Variants in FOXP2 observed in about 807,000 individuals in gnomAD.
FOXP2 encodes forkhead box protein P2.
FOXP2 carries 12 observed loss-of-function variants against 115.8 expected under a neutral mutation model. That is an observed-to-expected ratio of 0.10 (90% CI 0.07 to 0.17). The LOEUF is 0.17. FOXP2 is among the 10% of genes least tolerant of loss of function. The pLI, the probability that FOXP2 is intolerant of heterozygous loss-of-function variation, is 1.00. For missense variants in FOXP2, 629 were observed against 843.5 expected (o/e 0.75, Z 3.15); for synonymous variants, 328 against 297.7 (o/e 1.10, Z -1.05).
At chr7:114,298,258 C>T (rs1412268407) in intron 2 of FOXP2, among the ~76,000 whole-genome samples, 1 of 152,156 alleles carries the variant, frequency 6.6e-6, no homozygotes. Flanking sequence ...ATTTCCTGTG[C>T]TCACCCTTGA....
chr7:114,111,119 T>C (rs1791257535), intron 1 of FOXP2, among the ~76,000 whole-genome samples: 1 of 152,154 alleles, frequency 6.6e-6, no homozygotes, highest in Admixed American at 6.6e-5. Flanking sequence ...CATTAATGCC[T>C]GCAATCAATC....
intron 16 of FOXP2, among the ~76,000 whole-genome samples, chr7:114,674,062 T>C (rs1645294747): frequency 6.6e-6 from 1 of 152,162 alleles, no homozygotes; most frequent in African/African-American, 2.4e-5. Flanking sequence ...ATCTCTTGAG[T>C]TGTAAGACAT....
intron 3 of FOXP2, among the ~76,000 whole-genome samples, chr7:114,605,144 G>A (rs1210830689): frequency 1.3e-5 from 2 of 152,118 alleles, no homozygotes; most frequent in Admixed American, 6.6e-5. Context: ...TAATTACAAT[G>A]CAGGATGGAA....
chr7:114,159,128 C>T (rs148073814), upstream of FOXP2, among the ~76,000 whole-genome samples: 1 of 152,108 alleles, frequency 6.6e-6, no homozygotes, highest in Non-Finnish European at 1.5e-5. Flanking sequence ...CTTGAGGAAA[C>T]TGACATGGTA....
rs184823115 is a variant in FOXP2 at position 114,458,478 on chromosome 7, A to G, written c.168+31799A>G. On this transcript the variant is annotated intron_variant, in intron 2 of 16. Coordinates refer to ENST00000350908, the MANE Select transcript of FOXP2 (RefSeq NM_014491.4). ...AACTATTTTAAGAGCCAATTATTGTAGTAGTATTTTAATCATATTTCAGTA... is the reference window on the plus strand; with the variant it reads ...AACTATTTTAAGAGCCAATTATTGTGGTAGTATTTTAATCATATTTCAGTA... Among the ~76,000 whole-genome samples the G allele has an allele frequency of 8.6e-4, 130 of 151,150 alleles. 1 individual carries two copies. The Middle Eastern group carries it at 0.01, about 12-fold the overall frequency.
At chr7:114,118,219 G>A (rs1294194584) in intron 1 of FOXP2, among the ~76,000 whole-genome samples, 1 of 152,086 alleles carries the variant, frequency 6.6e-6, no homozygotes, top group African/African-American at 2.4e-5. Context: ...AATAGAAGCT[G>A]CTCTCATTCC....
chr7:114,239,775 G>C (rs1795105650), intron 1 of FOXP2, among the ~76,000 whole-genome samples: 1 of 152,096 alleles, frequency 6.6e-6, no homozygotes, highest in Non-Finnish European at 1.5e-5. Flanking sequence ...CTCTATAATA[G>C]TCTTCTACAA....
At chr7:114,598,729 A>G (rs553923679) in intron 3 of FOXP2, among the ~76,000 whole-genome samples, 1 of 152,288 alleles carries the variant, frequency 6.6e-6, no homozygotes, top group Admixed American at 6.5e-5. Flanking sequence ...CTGAAATGCT[A>G]TACCCATTAA....
chr7:114,415,552 T>G (rs1793302101), intron 1 of FOXP2, among the ~76,000 whole-genome samples, 192 bp downstream of exon 1: 1 of 151,898 alleles, frequency 6.6e-6, no homozygotes, highest in Non-Finnish European at 1.5e-5. Flanking sequence ...GGAACTGTTT[T>G]TGATCTGTCA....
At chr7:114,323,352 T>C (rs1250611399) in intron 2 of FOXP2, among the ~76,000 whole-genome samples, 1 of 152,144 alleles carries the variant, frequency 6.6e-6, no homozygotes, top group Non-Finnish European at 1.5e-5. Flanking sequence ...TGTGAAATTG[T>C]CTTTCTCATT....
intron 3 of FOXP2, among the ~76,000 whole-genome samples, chr7:114,615,664 T>A (rs911076903): frequency 6.6e-6 from 1 of 152,226 alleles, no homozygotes; most frequent in African/African-American, 2.4e-5. Flanking sequence ...TAGAGCACTT[T>A]CTGCTACTGC....
chr7:114,287,621 G>A (rs745325779), intron 1 of FOXP2, among the ~76,000 whole-genome samples: 7 of 152,096 alleles, frequency 4.6e-5, no homozygotes, highest in Non-Finnish European at 1.0e-4. Flanking sequence ...TTAAGTATGT[G>A]TTGAAGAGGC....
At chr7:114,555,724 G>T (rs772913065) in intron 3 of FOXP2, among the ~76,000 whole-genome samples, 14 of 152,158 alleles carry the variant, frequency 9.2e-5, no homozygotes, top group Non-Finnish European at 1.8e-4. Flanking sequence ...TTGAACCCAG[G>T]AGGTGGAGGT....
At chr7:114,384,545 G>A (rs911277287) in intron 2 of FOXP2, among the ~76,000 whole-genome samples, 2 of 152,100 alleles carry the variant, frequency 1.3e-5, no homozygotes, top group African/African-American at 4.8e-5. Flanking sequence ...TCACCTGGGA[G>A]GAACCATCTA....
chr7:114,401,084 A>C (rs963400912), intron 2 of FOXP2, among the ~76,000 whole-genome samples: 5 of 152,078 alleles, frequency 3.3e-5, no homozygotes, highest in Admixed American at 3.3e-4. Flanking sequence ...AGGGTGAGGA[A>C]CGTGATTAGA....
rs1416424263 is a variant in FOXP2, at chr7:114,428,170, A to T, written c.168+1491A>T. ...TCAATTTTGCCTGCAAATCCAGTGG[A>T]TTGCGTTTATAAAGCCAAGTAAAAA... On this transcript the variant is annotated intron_variant, in intron 2 of 16. Transcript: ENST00000350908. Among the ~76,000 whole-genome samples the T allele has an allele frequency of 2.0e-5, 3 of 151,602 alleles. No homozygotes were observed. The South Asian group carries it at 6.2e-4, about 31-fold the overall frequency.
At chr7:114,252,198 T>G (rs535781717) in intron 1 of FOXP2, among the ~76,000 whole-genome samples, 1 of 152,038 alleles carries the variant, frequency 6.6e-6, no homozygotes, top group South Asian at 2.1e-4. Flanking sequence ...TTTGCCAGTA[T>G]TTTTTTTGAG....
chr7:114,620,939 A>G (rs922098484), intron 3 of FOXP2, among the ~76,000 whole-genome samples: 1 of 152,086 alleles, frequency 6.6e-6, no homozygotes, highest in African/African-American at 2.4e-5. Flanking sequence ...TTAAACAAAT[A>G]GCTACATTAT....
At chr7:114,268,315 G>A (rs1795948965) in intron 1 of FOXP2, among the ~76,000 whole-genome samples, 1 of 152,048 alleles carries the variant, frequency 6.6e-6, no homozygotes, top group African/African-American at 2.4e-5. Flanking sequence ...GGTAGGACAT[G>A]GAATTAAAGT....
Sources: gnomAD v4.1 joint callset for allele counts (sites outside exome capture counted in the v4.1 genomes callset) on GRCh38, gnomAD v4.1.1 for gene constraint, MANE v1.5 for transcripts, NCBI Gene and HGNC (gene_info 2026-07-23, HGNC 2026-07-21) for gene names.